The following FSTL3 variants were observed in gnomAD, a reference collection of about 807,000 sequenced individuals.
The protein encoded by FSTL3 is follistatin like 3, also known as follistatin-related protein 3.
A neutral mutation model predicts 28.1 loss-of-function variants in FSTL3; 21 were observed. That is an observed-to-expected ratio of 0.75 (90% CI 0.53 to 1.08). The LOEUF (loss-of-function observed/expected upper bound fraction) is 1.08, where lower values mean the gene tolerates loss of function less well. Among genes scored for constraint, FSTL3 ranks in the 50% least tolerant of loss-of-function variants. The pLI is 0.00. For missense variants in FSTL3, 400 were observed against 380.9 expected (o/e 1.05, Z -0.42); for synonymous variants, 199 against 164.2 (o/e 1.21, Z -1.62).
In FSTL3 at chr19:680,329, C is replaced by T; in HGVS notation, c.345C>T (p.Gly115=). The part of the protein sequence containing the change: ...GPGKACRMLG[G]RPRCECAPDC... Reference sequence around the variant, plus strand: ...GCAAGGCGTGCCGCATGCTGGGGGGCCGCCCGCGCTGCGAGTGCGCGCCCG... The same window carrying T: ...GCAAGGCGTGCCGCATGCTGGGGGGTCGCCCGCGCTGCGAGTGCGCGCCCG... Residue 115 remains glycine, a synonymous_variant, in exon 3 of 5, where the codon GGC becomes GGT. Transcript: ENST00000166139. 5 of 1,280,914 alleles carry T rather than the reference C, an allele frequency of 3.9e-6. No individual in the cohort carries two copies. Among genetic ancestry groups the T allele is most frequent in the Non-Finnish European group, 4.9e-6 (5 of 1,018,456 alleles). The allele number at this position is 1,280,914 out of a possible 1,614,324, so 79.3% of individuals were successfully genotyped here. A position where few individuals can be genotyped will look rare whatever the true frequency, so the allele number is the denominator to read the frequency against.
At chr19:676,602 T>A in intron 1 of FSTL3, 76 bp downstream of exon 1, 1 of 387,916 alleles carries the variant, frequency 2.6e-6, no homozygotes, top group Non-Finnish European at 3.9e-6. Flanking sequence ...CGGGGGGACG[T>A]CGGGGGGCGC....
chr19:682,847 G>T lies in FSTL3; in HGVS notation c.*1139G>T, dbSNP rs891845100. 4.3e-6 allele frequency: 1 copy of T among 232,766 alleles called. No homozygotes were observed. Among genetic ancestry groups the T allele is most frequent in the Non-Finnish European group, 8.5e-6 (1 of 117,828 alleles). 14.4% of individuals were successfully genotyped at this position (232,766 alleles called of 1,614,324 possible). A position where few individuals can be genotyped will look rare whatever the true frequency, so the allele number is the denominator to read the frequency against. On this transcript the variant is annotated 3_prime_UTR_variant, in exon 5 of 5. Coordinates refer to ENST00000166139, the MANE Select transcript of FSTL3 (RefSeq NM_005860.3). The stretch of plus-strand genomic sequence containing the variant: ...CTCACCCACTGGCCCCGAGGGGGGT[G>T]TAGACGCCAAGACTCACGCATGTGT...
At chr19:680,000 GA>G (rs2031290178) in intron 2 of FSTL3, 1 of 179,600 alleles carries the variant, frequency 5.6e-6, no homozygotes. Flanking sequence ...TCCGGGCAGA[GA>G]CCCCCCCCCG....
chr19:680,370 C>G lies in FSTL3; in HGVS notation c.386C>G (p.Pro129Arg). The change falls in exon 3 of 5, where the codon CCG becomes CGG. Residue 129 changes from proline to arginine, a missense_variant. Pro to Arg is a moderately radical substitution (Grantham distance 103). Transcript: ENST00000166139. ...CECAPDCSGL[P>R]ARLQVCGSDG... Reference sequence around the variant, plus strand: ...TGCGCGCCCGACTGCTCGGGGCTCCCGGCGCGGCTGCAGGTCTGCGGCTCA... The same window carrying G: ...TGCGCGCCCGACTGCTCGGGGCTCCGGGCGCGGCTGCAGGTCTGCGGCTCA... 7.8e-7 allele frequency: 1 copy of G among 1,281,334 alleles called. No individual in the cohort carries two copies. The highest frequency in any genetic ancestry group is 9.8e-7 in the Non-Finnish European group (1 of 1,016,814). 79.4% of individuals were successfully genotyped at this position (1,281,334 alleles called of 1,614,324 possible). A position where few individuals can be genotyped will look rare whatever the true frequency, so the allele number is the denominator to read the frequency against.
At chr19:680,980 A>C in intron 3 of FSTL3, 1 of 269,778 alleles carries the variant, frequency 3.7e-6, no homozygotes, top group African/African-American at 3.0e-5. Flanking sequence ...GGGTCATGTA[A>C]GGGGCGGGGC....
intron 2 of FSTL3, 29 bp from the exon 3 acceptor site, chr19:680,245 G>A (rs2031299164): frequency 7.6e-7 from 1 of 1,318,162 alleles, no homozygotes; most frequent in South Asian, 1.8e-5. Flanking sequence ...TCCCGCGCCC[G>A]GCCCCACGCG....
At position 682,438 on chromosome 19, in the gene FSTL3, G is replaced by T. The variant is rs73506019; in HGVS notation, c.*730G>T. 7.8e-3 allele frequency: 1,843 copies of T among 235,458 alleles called. 43 individuals are homozygous for T. Among genetic ancestry groups the T allele is most frequent in the African/African-American group, 0.038 (1,712 of 45,332 alleles). The allele number at this position is 235,458 out of a possible 1,614,324, so 14.6% of individuals were successfully genotyped here. Reference sequence around the variant, plus strand: ...GGTGTGTACGGAGGGTCTAGTCTGAGTGCGTGTGGGGACCTCAGAACACTG... The same window carrying T: ...GGTGTGTACGGAGGGTCTAGTCTGATTGCGTGTGGGGACCTCAGAACACTG... On this transcript the variant is annotated 3_prime_UTR_variant, in exon 5 of 5. Coordinates refer to ENST00000166139, the MANE Select transcript of FSTL3 (RefSeq NM_005860.3).
At position 680,508 on chromosome 19, in the gene FSTL3, T is replaced by C. The variant is rs575544259; in HGVS notation, c.505+19T>C. 3.3e-6 allele frequency: 4 copies of C among 1,195,952 alleles called. No homozygotes were observed. In the South Asian group the frequency reaches 1.1e-4, roughly 33 times the overall value. 74.1% of individuals were successfully genotyped at this position (1,195,952 alleles called of 1,614,324 possible). ...TGCCGCAGTACGTGGGGGCGTGGTC[T>C]GTGGAGGGGCGGGGCGGGACCTACC... On this transcript the variant is annotated intron_variant, in intron 3 of 4. Coordinates refer to ENST00000166139, the MANE Select transcript of FSTL3 (RefSeq NM_005860.3).
chr19:681,652 A>C lies in FSTL3; in HGVS notation c.736A>C (p.Thr246Pro). The C allele has an allele frequency of 6.3e-7, 1 of 1,578,190 alleles. No homozygotes were observed. Among genetic ancestry groups the C allele is most frequent in the Non-Finnish European group, 8.6e-7 (1 of 1,162,318 alleles). ...AATGCTCTTATCGACCCTTGCAGGC[A>C]CCCCTGAGGAGCCGCCAGGTGGTGA... is the stretch of plus-strand genomic sequence containing the variant. ...GVRHAGSCAGTPEEPPGGESA... is the reference protein window; with the variant it reads ...GVRHAGSCAGPPEEPPGGESA... Residue 246 changes from threonine to proline, a missense_variant and splice_region_variant, in exon 5 of 5, where the codon ACC becomes CCC. Physicochemically the swap from Thr to Pro is conservative, Grantham distance 38. Coordinates refer to ENST00000166139, the MANE Select transcript of FSTL3 (RefSeq NM_005860.3).
rs1258832781 is a variant in FSTL3 at position 682,681 on chromosome 19, T to C, written c.*973T>C. The C allele has an allele frequency of 6.4e-5, 15 of 233,340 alleles. No individual in the cohort carries two copies. Among genetic ancestry groups the C allele is most frequent in the Non-Finnish European group, 1.3e-4 (15 of 118,166 alleles). 14.5% of individuals were successfully genotyped at this position (233,340 alleles called of 1,614,324 possible). The stretch of plus-strand genomic sequence containing the variant: ...CCACAGAACCACCCAGCGTCTCCCC[T>C]GCTGCTGTCCACGTCAGTTCATGAG... On this transcript the variant is annotated 3_prime_UTR_variant, in exon 5 of 5. Coordinates refer to ENST00000166139, the MANE Select transcript of FSTL3 (RefSeq NM_005860.3).
At chr19:680,005 C>CCCT (rs2031291076) in intron 2 of FSTL3, 1 of 202,024 alleles carries the variant, frequency 4.9e-6, no homozygotes, top group African/African-American at 2.8e-5. Flanking sequence ...GCAGAGACCC[C>CCCT]CCCCCGCCCC....
intron 2 of FSTL3, 49 bp downstream of exon 2, chr19:678,026 C>T (rs1170613796): frequency 1.9e-6 from 3 of 1,553,548 alleles, no homozygotes; most frequent in Non-Finnish European, 2.6e-6. Flanking sequence ...TCAGGACCAG[C>T]CACAAACAGT....
In FSTL3 at chr19:683,164, A is replaced by G; in HGVS notation, c.*1456A>G. 1 of 232,960 alleles carries G rather than the reference A, an allele frequency of 4.3e-6. No homozygotes were observed. Among genetic ancestry groups the G allele is most frequent in the Non-Finnish European group, 8.5e-6 (1 of 117,664 alleles). The allele number at this position is 232,960 out of a possible 1,614,324, so 14.4% of individuals were successfully genotyped here. ...TGCGTGTAAACCACAGCCTCAGACC[A>G]GCTATGGGGAGAGGACAACACGGAG... is the stretch of plus-strand genomic sequence containing the variant. On this transcript the variant is annotated 3_prime_UTR_variant, in exon 5 of 5. Transcript: ENST00000166139.
chr19:676,879 C>T (rs1387625272), intron 1 of FSTL3, among the ~76,000 whole-genome samples: 1 of 150,068 alleles, frequency 6.7e-6, no homozygotes, highest in South Asian at 2.1e-4. Flanking sequence ...GTTCTAGCCG[C>T]GACCGTCCGG....
Position 677,926 on chromosome 19 carries a change from A to G in FSTL3, c.238A>G (p.Lys80Glu), listed in dbSNP as rs780987388. ...AWSNLTHPGN[K>E]INLLGFLGLV... ...GTCCAACCTCACCCACCCGGGGAACAAGATCAACCTCCTCGGCTTCTTGGG... is the reference window on the plus strand; with the variant it reads ...GTCCAACCTCACCCACCCGGGGAACGAGATCAACCTCCTCGGCTTCTTGGG... The change falls in exon 2 of 5, where the codon AAG (lysine) becomes GAG (glutamate). Residue 80 changes from lysine (K) to glutamate (E), a missense_variant. Coordinates refer to ENST00000166139, the MANE Select transcript of FSTL3 (RefSeq NM_005860.3). The G allele has an allele frequency of 1.9e-6, 3 of 1,613,660 alleles. No individual in the cohort carries two copies. The highest frequency in any genetic ancestry group is 2.2e-5 in the South Asian group (2 of 91,086).
Position 680,361 on chromosome 19 carries a change from C to A in FSTL3, c.377C>A (p.Ser126Ter). Residue 126 changes from serine to a stop codon, truncating the protein, a stop_gained, in exon 3 of 5, where the codon TCG becomes TAG. Transcript: ENST00000166139. LOFTEE classifies it high-confidence loss of function. The stretch of plus-strand genomic sequence containing the variant: ...CGCTGCGAGTGCGCGCCCGACTGCT[C>A]GGGGCTCCCGGCGCGGCTGCAGGTC... ...RPRCECAPDC[S>*]GLPARLQVCG... The A allele has an allele frequency of 7.8e-7, 1 of 1,280,706 alleles. No homozygotes were observed. Among genetic ancestry groups the A allele is most frequent in the Non-Finnish European group, 9.8e-7 (1 of 1,016,460 alleles). The allele number at this position is 1,280,706 out of a possible 1,614,324, so 79.3% of individuals were successfully genotyped here.
chr19:681,541 CCA>C lies in FSTL3; in HGVS notation c.716_717del (p.His239ArgfsTer9). 6.2e-7 allele frequency: 1 copy of C among 1,607,632 alleles called. No homozygotes were observed. The highest frequency in any genetic ancestry group is 8.5e-7 in the Non-Finnish European group (1 of 1,179,124). The part of the protein sequence containing the change: ...CFLGRSIGVR[H>X]AGSCAGTPEE... ...TCCTGGGCCGCTCCATCGGCGTGCGCCACGCGGGCAGCTGCGCAGGTGCAGAC... is the reference window on the plus strand; with the variant it reads ...TCCTGGGCCGCTCCATCGGCGTGCGCCGCGGGCAGCTGCGCAGGTGCAGAC... On this transcript the variant is annotated frameshift_variant, in exon 4 of 5. Coordinates refer to ENST00000166139, the MANE Select transcript of FSTL3 (RefSeq NM_005860.3). LOFTEE classifies it low-confidence loss of function (END_TRUNC).
chr19:681,825 C>T lies in FSTL3; in HGVS notation c.*117C>T, dbSNP rs2031343167. On this transcript the variant is annotated 3_prime_UTR_variant, in exon 5 of 5. Transcript: ENST00000166139. ...ACACTCCTTAGAGCCCGGATTCGGA[C>T]CACTTGGGGATCCCAGAACCTCCCT... 2.2e-6 allele frequency: 2 copies of T among 913,638 alleles called. No individual in the cohort carries two copies. The highest frequency in any genetic ancestry group is 1.7e-6 in the Non-Finnish European group (1 of 581,960). 56.6% of individuals were successfully genotyped at this position (913,638 alleles called of 1,614,324 possible). A position where few individuals can be genotyped will look rare whatever the true frequency, so the allele number is the denominator to read the frequency against.
rs892105192 is a variant in FSTL3 at position 677,465 on chromosome 19, CTGGTGTTTGG to C, written c.104-317_104-308del. Among the ~76,000 whole-genome samples, 27 of 148,134 alleles carry C rather than the reference CTGGTGTTTGG, an allele frequency of 1.8e-4. No homozygotes were observed. In the East Asian group the frequency reaches 1.9e-3, roughly 10 times the overall value. ...CTGCTGACCCTGACATGCCCAGTGC[CTGGTGTTTGG>C]TGGTGTTTGAGGGGTTGGGCAGGGT... On this transcript the variant is annotated intron_variant, in intron 1 of 4. Coordinates refer to ENST00000166139, the MANE Select transcript of FSTL3 (RefSeq NM_005860.3).
Sources: allele counts gnomAD v4.1 joint callset (sites outside exome capture counted in the v4.1 genomes callset), GRCh38; gene constraint gnomAD v4.1.1; transcripts MANE v1.5; gene names NCBI Gene and HGNC (gene_info 2026-07-23, HGNC 2026-07-21).